Variants in GAL3ST2 observed in about 807,000 individuals in gnomAD.
GAL3ST2 encodes galactose-3-O-sulfotransferase 2.
In GAL3ST2, 16 loss-of-function variants were observed where a neutral mutation model predicts 12.9. The ratio of observed to expected loss-of-function variants is 1.24; its 90% confidence interval spans 0.84 to 1.88. The LOEUF (loss-of-function observed/expected upper bound fraction) is 1.88. GAL3ST2 is among the 40% of genes most tolerant of loss of function. The pLI is 0.00. For missense variants in GAL3ST2, 639 were observed against 571.8 expected (o/e 1.12, Z -1.20); for synonymous variants, 302 against 273.9 (o/e 1.10, Z -1.01).
chr2:241,780,609 G>C (rs1039506458), intron 1 of GAL3ST2, among the ~76,000 whole-genome samples: 2 of 152,182 alleles, frequency 1.3e-5, no homozygotes, highest in Non-Finnish European at 2.9e-5. Flanking sequence ...GGACTGGTTT[G>C]CTTTATTATG....
rs140153229 is a variant in GAL3ST2, at chr2:241,800,463, G to A, written c.119+1309G>A. On this transcript the variant is annotated intron_variant, in intron 2 of 3. Coordinates refer to ENST00000192314, the MANE Select transcript of GAL3ST2 (RefSeq NM_022134.3). This position sits in a 1 kb window ranked among gnomAD's most constrained non-coding sequence, Gnocchi z 5.2. ...GGATATTCATGAAGGGGGTCCTGAC[G>A]CACGTGTCCTGAACAAACAGGTGTG... Among the ~76,000 whole-genome samples, 8 of 152,302 alleles carry A rather than the reference G, an allele frequency of 5.3e-5. No homozygotes were observed. The East Asian group carries it at 5.8e-4, about 11-fold the overall frequency.
rs1699893903 is a variant in GAL3ST2 at position 241,803,838 on chromosome 2, T to G, written c.869T>G (p.Leu290Arg). 1 of 1,479,072 alleles carries G rather than the reference T, an allele frequency of 6.8e-7. No homozygotes were observed. The highest frequency in any genetic ancestry group is 8.9e-7 in the Non-Finnish European group (1 of 1,123,840). The allele number at this position is 1,479,072 out of a possible 1,614,324, so 91.6% of individuals were successfully genotyped here. The change falls in exon 4 of 4, where the codon CTC becomes CGC. Residue 290 changes from leucine to arginine, a missense_variant. Transcript: ENST00000192314. ...CTGTACGAGCATTTCAACCGCACCCTCTGGGCGCAGCTGCGCGCCGAGCTG... is the reference window on the plus strand; with the variant it reads ...CTGTACGAGCATTTCAACCGCACCCGCTGGGCGCAGCTGCGCGCCGAGCTG... The part of the protein sequence containing the change: ...WRLYEHFNRT[L>R]WAQLRAELGP...
Position 241,793,367 on chromosome 2 carries a change from G to GTA in GAL3ST2, c.30-5696_30-5695dup, listed in dbSNP as rs1238815076. Among the ~76,000 whole-genome samples, 3 of 151,908 alleles carry GTA rather than the reference G, an allele frequency of 2.0e-5. No homozygotes were observed. Among genetic ancestry groups the GTA allele is most frequent in the African/African-American group, 7.3e-5 (3 of 41,356 alleles). On this transcript the variant is annotated intron_variant, in intron 1 of 3. Coordinates refer to ENST00000192314, the MANE Select transcript of GAL3ST2 (RefSeq NM_022134.3). The surrounding 1 kb of genome is among the most constrained non-coding windows in gnomAD (Gnocchi z 4.7). ...GTATGTATGTGTGTGTATTGTGTGT[G>GTA]TATGTATGTATTGTGTATGCATGTG...
chr2:241,797,704 C>T (rs1446121854), intron 1 of GAL3ST2, among the ~76,000 whole-genome samples: 2 of 151,578 alleles, frequency 1.3e-5, no homozygotes, highest in Non-Finnish European at 2.9e-5. Context: ...TGATCCTAAC[C>T]CAGTTCCACG....
At chr2:241,794,716 C>T (rs573267246) in intron 1 of GAL3ST2, among the ~76,000 whole-genome samples, 4 of 152,290 alleles carry the variant, frequency 2.6e-5, no homozygotes, top group South Asian at 4.1e-4. Context: ...AGGGCCTGGC[C>T]GCAGTCCCCA....
At position 241,798,998 on chromosome 2, in the gene GAL3ST2, A is replaced by G. The variant is rs1270710448; in HGVS notation, c.30-67A>G. 2.4e-6 allele frequency: 3 copies of G among 1,264,186 alleles called. No homozygotes were observed. The African/African-American group carries it at 4.5e-5, about 19-fold the overall frequency. 78.3% of individuals were successfully genotyped at this position (1,264,186 alleles called of 1,614,324 possible). On this transcript the variant is annotated intron_variant, in intron 1 of 3. Transcript: ENST00000192314. ...TGGCCCAAGGCCTGGACTTGGCTGC[A>G]GGATGGGAGGTGGGGGTGGGGCTGG...
Position 241,802,840 on chromosome 2 carries a change from A to G in GAL3ST2, c.376-505A>G, listed in dbSNP as rs1699871250. Among the ~76,000 whole-genome samples, 1 of 151,890 alleles carries G rather than the reference A, an allele frequency of 6.6e-6. No individual in the cohort carries two copies. Among genetic ancestry groups the G allele is most frequent in the Non-Finnish European group, 1.5e-5 (1 of 67,940 alleles). ...GGGGCACAAGCGAGGGTGAGTCCAG[A>G]CCCACCCTGTGGGGAACCTGGGTCA... On this transcript the variant is annotated intron_variant, in intron 3 of 3. Coordinates refer to ENST00000192314, the MANE Select transcript of GAL3ST2 (RefSeq NM_022134.3). This position sits in a 1 kb window ranked among gnomAD's most constrained non-coding sequence, Gnocchi z 4.8.
chr2:241,801,821 A>G lies in GAL3ST2; in HGVS notation c.160A>G (p.Ile54Val), dbSNP rs548109179. 6.2e-7 allele frequency: 1 copy of G among 1,612,850 alleles called. No homozygotes were observed. The highest frequency in any genetic ancestry group is 2.2e-5 in the East Asian group (1 of 44,876). ...GGCTGAGGGGCCGCCGGTCACCAAC[A>G]TCATGTTCCTGAAGACGCACAAGAC... ...GQAEGPPVTN[I>V]MFLKTHKTAS... The change falls in exon 3 of 4, where the codon ATC (isoleucine) becomes GTC (valine). Residue 54 changes from isoleucine to valine, a missense_variant. Physicochemically the swap from Ile to Val is conservative, Grantham distance 29. Transcript: ENST00000192314. This position sits in a 1 kb window ranked among gnomAD's most constrained non-coding sequence, Gnocchi z 4.4.
At position 241,801,764 on chromosome 2, in the gene GAL3ST2, T is replaced by G. The variant is rs771984232; in HGVS notation, c.120-17T>G. 3.7e-6 allele frequency: 6 copies of G among 1,609,418 alleles called. No homozygotes were observed. In the East Asian group the frequency reaches 1.1e-4, roughly 30 times the overall value. On this transcript the variant is annotated splice_polypyrimidine_tract_variant and intron_variant, in intron 2 of 3. Coordinates refer to ENST00000192314, the MANE Select transcript of GAL3ST2 (RefSeq NM_022134.3). The surrounding 1 kb of genome is among the most constrained non-coding windows in gnomAD (Gnocchi z 4.4). ...ATCTGCACCCTTGCTGAAGGCTGCG[T>G]GTGCCTTCCCTCCCAGCCTGTTTGG...
intron 1 of GAL3ST2, among the ~76,000 whole-genome samples, chr2:241,794,005 G>A (rs1459536178): frequency 2.0e-5 from 3 of 152,086 alleles, no homozygotes; most frequent in Non-Finnish European, 4.4e-5. Flanking sequence ...AGAGTGTGGT[G>A]GTGAGATCAA....
intron 1 of GAL3ST2, among the ~76,000 whole-genome samples, chr2:241,790,355 C>G (rs535436162): frequency 5.8e-4 from 89 of 152,294 alleles, no homozygotes; most frequent in Admixed American, 2.0e-3. Context: ...TTGACCTTTG[C>G]TTTAAATGTT....
rs781078700 is a variant in GAL3ST2, at chr2:241,803,577, C to G, written c.608C>G (p.Ala203Gly). The G allele has an allele frequency of 6.3e-6, 10 of 1,592,796 alleles. No homozygotes were observed. Among genetic ancestry groups the G allele is most frequent in the South Asian group, 1.1e-5 (1 of 88,554 alleles). ...MWFDFGFDPN[A>G]QCEEGYVRAR... ...TTCGACTTCGGCTTCGACCCCAACGCGCAGTGCGAGGAGGGCTACGTGCGC... is the reference window on the plus strand; with the variant it reads ...TTCGACTTCGGCTTCGACCCCAACGGGCAGTGCGAGGAGGGCTACGTGCGC... The change falls in exon 4 of 4, where the codon GCG becomes GGG. Residue 203 changes from alanine (A) to glycine (G), a missense_variant. Coordinates refer to ENST00000192314, the MANE Select transcript of GAL3ST2 (RefSeq NM_022134.3).
chr2:241,784,656 A>T (rs1365635891), intron 1 of GAL3ST2, among the ~76,000 whole-genome samples: 1 of 152,170 alleles, frequency 6.6e-6, no homozygotes, highest in Non-Finnish European at 1.5e-5. Flanking sequence ...GAGCTCCTTT[A>T]TATATTTTTA....
chr2:241,801,337 C>CGTA lies in GAL3ST2; in HGVS notation c.120-444_120-443insGTA. ...ACAGTATTCCGTGGTGTAGATGTGC[C>CGTA]ACATTTTCTTTACGGTCTCTATGTA... On this transcript the variant is annotated intron_variant, in intron 2 of 3. Coordinates refer to ENST00000192314, the MANE Select transcript of GAL3ST2 (RefSeq NM_022134.3). This position sits in a 1 kb window ranked among gnomAD's most constrained non-coding sequence, Gnocchi z 4.4. 1 of 165,030 alleles carries CGTA rather than the reference C, an allele frequency of 6.1e-6. No individual in the cohort carries two copies. Among genetic ancestry groups the CGTA allele is most frequent in the Non-Finnish European group, 1.3e-5 (1 of 77,360 alleles). The allele number at this position is 165,030 out of a possible 1,614,324, so 10.2% of individuals were successfully genotyped here.
At chr2:241,796,651 G>A (rs1011276292) in intron 1 of GAL3ST2, among the ~76,000 whole-genome samples, 9 of 152,170 alleles carry the variant, frequency 5.9e-5, no homozygotes, top group African/African-American at 7.2e-5. Context: ...CCTGATGGCC[G>A]GGGGGAGCAG....
At chr2:241,786,270 A>T (rs1478270933) in intron 1 of GAL3ST2, among the ~76,000 whole-genome samples, 1 of 152,064 alleles carries the variant, frequency 6.6e-6, no homozygotes, top group East Asian at 1.9e-4. Context: ...ACCCAATGGG[A>T]AAAAGACTGA....
At chr2:241,788,743 G>A (rs913325298) in intron 1 of GAL3ST2, among the ~76,000 whole-genome samples, 5 of 152,110 alleles carry the variant, frequency 3.3e-5, no homozygotes, top group Non-Finnish European at 7.4e-5. Flanking sequence ...TCCAGGAAAC[G>A]CATGTAAAGG....
chr2:241,777,441 G>T (rs1699502028), intron 1 of GAL3ST2, among the ~76,000 whole-genome samples: 1 of 152,188 alleles, frequency 6.6e-6, no homozygotes, highest in African/African-American at 2.4e-5. Context: ...GTGACGGGGA[G>T]GCTGGGCTCT....
chr2:241,776,990 G>T lies in GAL3ST2; in HGVS notation c.29+6G>T. Reference sequence around the variant, plus strand: ...ATGCTGGGCGGCTTGCAGAGGTAAGGGGGGCAGTTGGACCCCCCAGGTGGA... The same window carrying T: ...ATGCTGGGCGGCTTGCAGAGGTAAGTGGGGCAGTTGGACCCCCCAGGTGGA... On this transcript the variant is annotated splice_donor_region_variant and intron_variant, in intron 1 of 3. Transcript: ENST00000192314. 2.0e-5 allele frequency: 31 copies of T among 1,531,794 alleles called. No homozygotes were observed. The highest frequency in any genetic ancestry group is 2.7e-5 in the Non-Finnish European group (31 of 1,133,322). The allele number at this position is 1,531,794 out of a possible 1,614,324, so 94.9% of individuals were successfully genotyped here. A position where few individuals can be genotyped will look rare whatever the true frequency, so the allele number is the denominator to read the frequency against.
Sources: allele counts gnomAD v4.1 joint callset (sites outside exome capture counted in the v4.1 genomes callset), GRCh38; gene constraint gnomAD v4.1.1; non-coding constraint Gnocchi (gnomAD v3.1); transcripts MANE v1.5; gene names NCBI Gene and HGNC (gene_info 2026-07-23, HGNC 2026-07-21).